Variants in EFEMP1 observed in about 807,000 individuals in gnomAD.
The protein encoded by EFEMP1 is EGF-like fibulin extracellular matrix protein 1, also known as EGF-containing fibulin-like extracellular matrix protein 1.
A neutral mutation model predicts 65.7 loss-of-function variants in EFEMP1; 18 were observed. The observed-to-expected ratio is 0.27, with a 90% CI of 0.19 to 0.41. EFEMP1 has a LOEUF of 0.41. Among genes scored for constraint, EFEMP1 ranks in the 10% least tolerant of loss-of-function variants. EFEMP1 has a pLI of 1.00. For synonymous variants in EFEMP1, 237 were observed against 219.7 expected, an observed-to-expected ratio of 1.08 and a Z score of -0.70; for missense variants, 469 against 624.8, an observed-to-expected ratio of 0.75 and a Z score of 2.66.
rs1669082401 is a variant in EFEMP1 at position 55,877,499 on chromosome 2, G to A, written c.760+247C>T. Among the ~76,000 whole-genome samples the A allele has an allele frequency of 6.6e-6, 1 of 152,152 alleles. No individual in the cohort carries two copies. Among genetic ancestry groups the A allele is most frequent in the Non-Finnish European group, 1.5e-5 (1 of 68,018 alleles). On this transcript the variant is annotated intron_variant, in intron 7 of 11. Transcript: ENST00000355426. The surrounding 1 kb of genome is among the most constrained non-coding windows in gnomAD (Gnocchi z 4.5). ...ATTGACTGGTGTATGTATATCAATT[G>A]ATTTGTAGTTTTAAATTTGTTGATC...
chr2:55,900,464 C>T (rs1383012780), intron 5 of EFEMP1, among the ~76,000 whole-genome samples: 1 of 152,146 alleles, frequency 6.6e-6, no homozygotes, highest in East Asian at 1.9e-4. Flanking sequence ...GCATGAGAAA[C>T]ACCTGGAGAA....
intron 5 of EFEMP1, among the ~76,000 whole-genome samples, chr2:55,910,547 A>G (rs1003665367): frequency 2.0e-5 from 3 of 152,176 alleles, no homozygotes; most frequent in Non-Finnish European, 4.4e-5. Context: ...TTCAGGGAAT[A>G]TAGCTTGAGA....
At chr2:55,906,367 G>A (rs779346344) in intron 5 of EFEMP1, among the ~76,000 whole-genome samples, 1 of 152,052 alleles carries the variant, frequency 6.6e-6, no homozygotes, top group Admixed American at 6.6e-5. Context: ...GGGATTACAG[G>A]CATGTGCCAT....
rs1670816447 is a variant in EFEMP1 at position 55,919,088 on chromosome 2, G to C, written c.82-821C>G. The stretch of plus-strand genomic sequence containing the variant: ...TGACAGAGGAGGTGACAGTAAATCA[G>C]GCTTTACAGGATGAGCAGGATTTTT... On this transcript the variant is annotated intron_variant, in intron 3 of 11. Coordinates refer to ENST00000355426, the MANE Select transcript of EFEMP1 (RefSeq NM_001039348.3). This position sits in a 1 kb window ranked among gnomAD's most constrained non-coding sequence, Gnocchi z 4.5. 6.6e-6 allele frequency among the ~76,000 whole-genome samples: 1 copy of C among 152,192 alleles called. No individual in the cohort carries two copies. The highest frequency in any genetic ancestry group is 2.1e-4 in the South Asian group (1 of 4,834).
At chr2:55,882,750 A>G (rs747248045) in intron 5 of EFEMP1, among the ~76,000 whole-genome samples, 6 of 152,100 alleles carry the variant, frequency 3.9e-5, no homozygotes, top group Admixed American at 6.6e-5. Flanking sequence ...TGATTCCTAG[A>G]TGACAATTTT....
chr2:55,879,507 G>A (rs962820203), intron 6 of EFEMP1, among the ~76,000 whole-genome samples: 3 of 152,146 alleles, frequency 2.0e-5, no homozygotes, highest in Non-Finnish European at 2.9e-5. Context: ...AATATGTGAC[G>A]CATGTCTTCT....
At chr2:55,908,102 C>T (rs1670349845) in intron 5 of EFEMP1, among the ~76,000 whole-genome samples, 2 of 152,200 alleles carry the variant, frequency 1.3e-5, no homozygotes, top group African/African-American at 4.8e-5. Context: ...CCCCGAGCTT[C>T]TCTACTTTGG....
chr2:55,922,783 A>G lies in EFEMP1; in HGVS notation c.-8+116T>C. 1 of 792,918 alleles carries G rather than the reference A, an allele frequency of 1.3e-6. No individual in the cohort carries two copies. 49.1% of individuals were successfully genotyped at this position (792,918 alleles called of 1,614,324 possible). ...AGGGGGTCGAAAGGAAAAAACAGTA[A>G]TCCATTTCAAAGGGGACGGTGCATT... On this transcript the variant is annotated intron_variant, in intron 2 of 11. Coordinates refer to ENST00000355426, the MANE Select transcript of EFEMP1 (RefSeq NM_001039348.3). The surrounding 1 kb of genome is among the most constrained non-coding windows in gnomAD (Gnocchi z 5.5).
Position 55,873,482 on chromosome 2 carries a change from C to A in EFEMP1, c.1000+1464G>T, listed in dbSNP as rs1324719083. ...TCTGCTTCTGTCTTTTGCTGAGCAT[C>A]AAATCAATTTTTGATCAGAAACACA... On this transcript the variant is annotated intron_variant, in intron 9 of 11. Transcript: ENST00000355426. The surrounding 1 kb of genome is among the most constrained non-coding windows in gnomAD (Gnocchi z 4.6). Among the ~76,000 whole-genome samples, 1 of 152,000 alleles carries A rather than the reference C, an allele frequency of 6.6e-6. No homozygotes were observed. The highest frequency in any genetic ancestry group is 2.4e-5 in the African/African-American group (1 of 41,428).
chr2:55,893,442 G>T (rs1261743480), intron 5 of EFEMP1, among the ~76,000 whole-genome samples: 1 of 152,138 alleles, frequency 6.6e-6, no homozygotes, highest in Admixed American at 6.5e-5. Context: ...GGGTGGGTAA[G>T]ATCACAGGTT....
chr2:55,912,665 C>G (rs1020809582), intron 5 of EFEMP1, among the ~76,000 whole-genome samples: 1 of 152,064 alleles, frequency 6.6e-6, no homozygotes, highest in African/African-American at 2.4e-5. Context: ...GTAATTTGTT[C>G]CTTTAGACTT....
rs1378467802 is a variant in EFEMP1 at position 55,877,683 on chromosome 2, T to G, written c.760+63A>C. On this transcript the variant is annotated intron_variant, in intron 7 of 11. Coordinates refer to ENST00000355426, the MANE Select transcript of EFEMP1 (RefSeq NM_001039348.3). The surrounding 1 kb of genome is among the most constrained non-coding windows in gnomAD (Gnocchi z 4.5). ...CAAGAACATAGAAAACTGGAAATAC[T>G]GCAACATGGCATGGGGTTTCCTTTT... The G allele has an allele frequency of 6.2e-7, 1 of 1,609,134 alleles. No individual in the cohort carries two copies. The highest frequency in any genetic ancestry group is 8.5e-7 in the Non-Finnish European group (1 of 1,176,724).
At chr2:55,900,844 G>A (rs936143644) in intron 5 of EFEMP1, among the ~76,000 whole-genome samples, 27 of 152,066 alleles carry the variant, frequency 1.8e-4, no homozygotes, top group Non-Finnish European at 3.7e-4. Flanking sequence ...TTTCCTCAGA[G>A]TGCTATCCTA....
In EFEMP1 at chr2:55,922,595, C is replaced by T; in HGVS notation, c.-7-148G>A. 1 of 752,758 alleles carries T rather than the reference C, an allele frequency of 1.3e-6. No individual in the cohort carries two copies. Among genetic ancestry groups the T allele is most frequent in the Non-Finnish European group, 2.3e-6 (1 of 443,286 alleles). 46.6% of individuals were successfully genotyped at this position (752,758 alleles called of 1,614,324 possible). A position where few individuals can be genotyped will look rare whatever the true frequency, so the allele number is the denominator to read the frequency against. ...CTTCCAATCTGCTTTCTCATCTCCC[C>T]TCCCCCTCCTGAACCTTCTCGGTAG... is the stretch of plus-strand genomic sequence containing the variant. On this transcript the variant is annotated intron_variant, in intron 2 of 11. Coordinates refer to ENST00000355426, the MANE Select transcript of EFEMP1 (RefSeq NM_001039348.3). This position sits in a 1 kb window ranked among gnomAD's most constrained non-coding sequence, Gnocchi z 5.5.
chr2:55,882,647 T>C (rs1179351186), intron 5 of EFEMP1, among the ~76,000 whole-genome samples: 1 of 152,188 alleles, frequency 6.6e-6, no homozygotes, highest in African/African-American at 2.4e-5. Context: ...CTCTCCTATA[T>C]CATGAAGTTA....
intron 3 of EFEMP1, among the ~76,000 whole-genome samples, chr2:55,920,273 T>A (rs1670867538): frequency 6.6e-6 from 1 of 152,366 alleles, no homozygotes. Flanking sequence ...GCACCAACAT[T>A]AATCACCTCC....
Position 55,898,496 on chromosome 2 carries a change from A to C in EFEMP1, c.518-16762T>G, listed in dbSNP as rs1039048120. On this transcript the variant is annotated intron_variant, in intron 5 of 11. Transcript: ENST00000355426. The stretch of plus-strand genomic sequence containing the variant: ...ACTTTATGTACAGTACTTGAAAGTT[A>C]ATGCAATTCTTTCTTTAAAAACTCA... Among the ~76,000 whole-genome samples the C allele has an allele frequency of 1.3e-4, 20 of 152,262 alleles. 1 individual carries two copies. The highest frequency in any genetic ancestry group is 1.2e-3 in the Admixed American group (19 of 15,298).
intron 5 of EFEMP1, among the ~76,000 whole-genome samples, chr2:55,912,951 T>G (rs1409781408): frequency 6.6e-6 from 1 of 152,144 alleles, no homozygotes; most frequent in Non-Finnish European, 1.5e-5. Flanking sequence ...ATCCTACACA[T>G]AAAACATCTA....
chr2:55,874,920 A>G lies in EFEMP1; in HGVS notation c.1000+26T>C, dbSNP rs544568752. ...CTTCCTGGCTAAAACTAAATACCTA[A>G]CATATGAAAAAAAAAATAAACTTAC... On this transcript the variant is annotated intron_variant, in intron 9 of 11. Transcript: ENST00000355426. 8 of 1,581,206 alleles carry G rather than the reference A, an allele frequency of 5.1e-6. No homozygotes were observed. The African/African-American group carries it at 9.9e-5, about 20-fold the overall frequency.
Sources: gnomAD v4.1 joint callset for allele counts (sites outside exome capture counted in the v4.1 genomes callset) on GRCh38, gnomAD v4.1.1 for gene constraint, Gnocchi (gnomAD v3.1) non-coding constraint, MANE v1.5 for transcripts, NCBI Gene and HGNC (gene_info 2026-07-23, HGNC 2026-07-21) for gene names.